The following ATP13A3 variants were observed in gnomAD, a reference collection of about 807,000 sequenced individuals.
The protein encoded by ATP13A3 is polyamine-transporting ATPase 13A3.
In ATP13A3, 59 loss-of-function variants were observed where a neutral mutation model predicts 158.1. The observed-to-expected ratio is 0.37, with a 90% confidence interval of 0.30 to 0.46. The LOEUF (loss-of-function observed/expected upper bound fraction) is 0.46, where lower values mean the gene tolerates loss of function less well. Among genes scored for constraint, ATP13A3 ranks in the 20% least tolerant of loss-of-function variants. The pLI, the probability that ATP13A3 is intolerant of heterozygous loss-of-function variation, is 1.00. For synonymous variants in ATP13A3, 491 were observed against 504.3 expected (o/e 0.97, Z 0.35); for missense variants, 1,166 against 1,525.2 (o/e 0.76, Z 3.92).
At chr3:194,445,038 A>T (rs943356862) in intron 14 of ATP13A3, among the ~76,000 whole-genome samples, 4 of 152,062 alleles carry the variant, frequency 2.6e-5, no homozygotes, top group Non-Finnish European at 5.9e-5. Context: ...AGAGGGGTAT[A>T]TATTTACGTG....
In ATP13A3 at chr3:194,426,472, G is replaced by T. The variant is rs117636690; in HGVS notation, c.3125+603C>A. On this transcript the variant is annotated intron_variant, in intron 29 of 33. Transcript: ENST00000645319. ...CCATTTCCTAAACTGGGGGATGAAA[G>T]ATTAGAAATACAAAACACTCTGGGT... Among the ~76,000 whole-genome samples, 13 of 152,192 alleles carry T rather than the reference G, an allele frequency of 8.5e-5. No homozygotes were observed. The East Asian group carries it at 2.5e-3, about 29-fold the overall frequency.
At chr3:194,442,825 G>GA (rs947936020) in intron 15 of ATP13A3, among the ~76,000 whole-genome samples, 2 of 151,254 alleles carry the variant, frequency 1.3e-5, no homozygotes, top group African/African-American at 2.4e-5. Flanking sequence ...AGCAACCAGA[G>GA]AAAAAAAAGA....
chr3:194,405,923 G>A lies in ATP13A3; in HGVS notation c.3767C>T (p.Thr1256Ile). The part of the protein sequence containing the change: ...ENGSCQIITI[T>I] ...ACCACTGAGACTGATTCACTGCTATGTTATGGTGATGATTTGACATGATCC... is the reference window on the plus strand; with the variant it reads ...ACCACTGAGACTGATTCACTGCTATATTATGGTGATGATTTGACATGATCC... Residue 1256 changes from threonine to isoleucine, a missense_variant, in exon 34 of 34, where the codon ACA becomes ATA. Thr to Ile is a moderately conservative substitution (Grantham distance 89, BLOSUM62 -1). This residue lies in a region of ATP13A3 where 997 missense variants were observed against 1,341.2 expected (regional missense o/e 0.74). Coordinates refer to ENST00000645319, the MANE Select transcript of ATP13A3 (RefSeq NM_001367549.1). The A allele has an allele frequency of 6.2e-7, 1 of 1,613,802 alleles. No homozygotes were observed. The highest frequency in any genetic ancestry group is 8.5e-7 in the Non-Finnish European group (1 of 1,179,750).
intron 29 of ATP13A3, among the ~76,000 whole-genome samples, chr3:194,426,297 T>C (rs1256765020): frequency 6.6e-6 from 1 of 152,146 alleles, no homozygotes; most frequent in Admixed American, 6.5e-5. Flanking sequence ...TCAAGCAAAC[T>C]AGAAATAAAT....
intron 3 of ATP13A3, among the ~76,000 whole-genome samples, chr3:194,461,654 T>C (rs913211851): frequency 6.6e-6 from 1 of 152,174 alleles, no homozygotes; most frequent in Non-Finnish European, 1.5e-5. Context: ...CCATGCAACA[T>C]TTGGACATAT....
At chr3:194,467,231 A>ACTTTTT (rs1720046498) in intron 2 of ATP13A3, among the ~76,000 whole-genome samples, 1 of 152,218 alleles carries the variant, frequency 6.6e-6, no homozygotes, top group Admixed American at 6.5e-5. Flanking sequence ...ACTATTTAAA[A>ACTTTTT]CTTTTTCTCC....
intron 33 of ATP13A3, among the ~76,000 whole-genome samples, chr3:194,408,598 T>C (rs1249147416): frequency 2.6e-5 from 4 of 152,236 alleles, no homozygotes. Context: ...GGATTCTTTT[T>C]ATGCATTGAA....
At chr3:194,411,625 G>A (rs1206652180) in intron 33 of ATP13A3, among the ~76,000 whole-genome samples, 2 of 151,996 alleles carry the variant, frequency 1.3e-5, no homozygotes, top group Non-Finnish European at 2.9e-5. Context: ...AAAGTCAAAT[G>A]TCCTAAACCA....
At chr3:194,451,507 G>T (rs1174280264) in intron 10 of ATP13A3, 1 of 152,208 alleles carries the variant, frequency 6.6e-6, no homozygotes, top group Non-Finnish European at 1.5e-5. Context: ...TTCAGCAACA[G>T]CAGAACAAGA....
At chr3:194,449,659 A>G (rs1444590380) in intron 11 of ATP13A3, among the ~76,000 whole-genome samples, 1 of 151,940 alleles carries the variant, frequency 6.6e-6, no homozygotes, top group African/African-American at 2.4e-5. Flanking sequence ...CCTGGGTGAC[A>G]GAACAAGGCT....
Position 194,459,957 on chromosome 3 carries a change from C to T in ATP13A3, c.240G>A (p.Met80Ile), listed in dbSNP as rs749318302. ...VLLRTTDEFK[M>I]WFCAKIRVLS... ...GAACGCGAATTTTTGCACAAAACCACATTTTGAATTCATCCTTAAAGAGAG... is the reference window on the plus strand; with the variant it reads ...GAACGCGAATTTTTGCACAAAACCATATTTTGAATTCATCCTTAAAGAGAG... Residue 80 changes from methionine to isoleucine, a missense_variant, in exon 5 of 34, where the codon ATG becomes ATA. Met to Ile is a conservative substitution (Grantham distance 10). Coordinates refer to ENST00000645319, the MANE Select transcript of ATP13A3 (RefSeq NM_001367549.1). 5 of 1,612,298 alleles carry T rather than the reference C, an allele frequency of 3.1e-6. No homozygotes were observed. The highest frequency in any genetic ancestry group is 3.3e-5 in the Admixed American group (2 of 59,908).
intron 21 of ATP13A3, among the ~76,000 whole-genome samples, chr3:194,432,573 AAAAT>A (rs1341388373): frequency 6.6e-6 from 1 of 152,170 alleles, no homozygotes; most frequent in Non-Finnish European, 1.5e-5. Flanking sequence ...TGGCAAGGGG[AAAAT>A]AAATAAATAA....
At chr3:194,421,155 A>ATATATAAACTAAAC in intron 30 of ATP13A3, among the ~76,000 whole-genome samples, 1 of 25,868 alleles carries the variant, frequency 3.9e-5, no homozygotes, top group African/African-American at 2.3e-4. Flanking sequence ...ATATATATAT[A>ATATATAAACTAAAC]TATATATATA....
intron 7 of ATP13A3, among the ~76,000 whole-genome samples, chr3:194,456,784 G>C (rs1000265941): frequency 6.6e-6 from 1 of 152,078 alleles, no homozygotes; most frequent in East Asian, 1.9e-4. Context: ...TATCAAGAAC[G>C]ACACTTCACC....
At chr3:194,435,051 T>C (rs559492030) in intron 20 of ATP13A3, among the ~76,000 whole-genome samples, 70 of 151,400 alleles carry the variant, frequency 4.6e-4, no homozygotes, top group African/African-American at 1.6e-3. Flanking sequence ...AGACTTGGAA[T>C]AACCAAATGA....
chr3:194,426,676 TG>T (rs1234306350), intron 29 of ATP13A3, among the ~76,000 whole-genome samples: 3 of 152,112 alleles, frequency 2.0e-5, no homozygotes, highest in African/African-American at 7.2e-5. Context: ...AGCCAAATTA[TG>T]TAAGTGTTTA....
intron 30 of ATP13A3, 106 bp downstream of exon 30, chr3:194,425,226 TTGATTCTATC>T: frequency 1.0e-6 from 1 of 992,782 alleles, no homozygotes; most frequent in South Asian, 1.6e-5. Context: ...AATCACTAAG[TTGATTCTATC>T]TGTGAAGATC....
chr3:194,414,866 A>G (rs1715707020), intron 31 of ATP13A3, among the ~76,000 whole-genome samples: 1 of 152,238 alleles, frequency 6.6e-6, no homozygotes, highest in African/African-American at 2.4e-5. Flanking sequence ...AGTAACAGTC[A>G]ATATATCAGT....
chr3:194,485,437 G>A (rs1184333589), intron 2 of ATP13A3, among the ~76,000 whole-genome samples: 3 of 152,174 alleles, frequency 2.0e-5, no homozygotes, highest in Non-Finnish European at 2.9e-5. Flanking sequence ...TTGGTAAAGA[G>A]GCTGAGCTCT....
Sources: allele counts gnomAD v4.1 joint callset (sites outside exome capture counted in the v4.1 genomes callset), GRCh38; gene constraint gnomAD v4.1.1; regional missense constraint gnomAD v4.1.1; transcripts MANE v1.5; gene names NCBI Gene and HGNC (gene_info 2026-07-23, HGNC 2026-07-21).